Variants in TCF4 observed in about 807,000 individuals in gnomAD.
TCF4 encodes the protein SL3-3 enhancer factor 2.
TCF4 carries 3 observed loss-of-function variants against 82.1 expected under a neutral mutation model. The observed-to-expected ratio is 0.04, with a 90% CI of 0.02 to 0.09. The LOEUF is 0.09. Among genes scored for constraint, TCF4 ranks in the 10% least tolerant of loss-of-function variants. The probability of loss-of-function intolerance (pLI) is 1.00; values close to 1 mark genes in which losing one functional copy is unlikely to be tolerated. For missense variants in TCF4, 518 were observed against 852.7 expected, an observed-to-expected ratio of 0.61 and a Z score of 4.89; for synonymous variants, 276 against 309.6, an observed-to-expected ratio of 0.89 and a Z score of 1.14.
intron 8 of TCF4, among the ~76,000 whole-genome samples, chr18:55,289,034 T>C (rs1055222129): frequency 2.0e-5 from 3 of 152,260 alleles, no homozygotes; most frequent in Non-Finnish European, 4.4e-5. Context: ...GCAGACACTC[T>C]ATGTTTCCTA....
chr18:55,231,453 T>G (rs1390846911), intron 17 of TCF4: 1 of 152,246 alleles, frequency 6.6e-6, no homozygotes, highest in Non-Finnish European at 1.5e-5. Context: ...AAGAGTGACC[T>G]TTTTAAATAA....
At chr18:55,528,229 T>C (rs561586180) in intron 3 of TCF4, among the ~76,000 whole-genome samples, 6 of 152,294 alleles carry the variant, frequency 3.9e-5, no homozygotes, top group Non-Finnish European at 7.3e-5. Context: ...AAAGAACAAA[T>C]AATTTAGAGG....
chr18:55,373,382 G>C (rs879391848), intron 6 of TCF4, among the ~76,000 whole-genome samples: 16 of 151,986 alleles, frequency 1.1e-4, no homozygotes, highest in African/African-American at 1.4e-4. Flanking sequence ...ATACAGCTTT[G>C]AGATATATTT....
At chr18:55,398,292 T>C (rs962443878) in intron 6 of TCF4, among the ~76,000 whole-genome samples, 8 of 152,140 alleles carry the variant, frequency 5.3e-5, no homozygotes, top group Non-Finnish European at 1.0e-4. Flanking sequence ...TGCGATGACA[T>C]ATATACTGCA....
At chr18:55,490,410 A>G (rs1384381595) in intron 3 of TCF4, among the ~76,000 whole-genome samples, 1 of 152,172 alleles carries the variant, frequency 6.6e-6, no homozygotes, top group East Asian at 1.9e-4. Flanking sequence ...AATATACTTA[A>G]TCTTATAGCT....
chr18:55,401,833 A>T, intron 6 of TCF4: 1 of 969,552 alleles, frequency 1.0e-6, no homozygotes, highest in South Asian at 4.8e-5. Flanking sequence ...ATGACCAGAA[A>T]AAGGGGCCCA....
In TCF4 at chr18:55,233,766, C is replaced by T. The variant is rs528267738; in HGVS notation, c.1486+782G>A. 4.1e-5 allele frequency among the ~76,000 whole-genome samples: 6 copies of T among 146,494 alleles called. No homozygotes were observed. In the East Asian group the frequency reaches 1.2e-3, roughly 29 times the overall value. The stretch of plus-strand genomic sequence containing the variant: ...CCTGGGAGGTGGAGGTTGCAGTGAG[C>T]TGAGATCGCACCACTGTACTCCAGC... On this transcript the variant is annotated intron_variant, in intron 16 of 19. Coordinates refer to ENST00000354452, the MANE Select transcript of TCF4 (RefSeq NM_001083962.2).
chr18:55,447,251 T>C (rs1007528706), intron 5 of TCF4, among the ~76,000 whole-genome samples: 7 of 149,158 alleles, frequency 4.7e-5, no homozygotes, highest in African/African-American at 7.4e-5. Context: ...GAAGCTGCAG[T>C]AAGCACCCCT....
rs530490258 is a variant in TCF4, at chr18:55,521,618, G to A, written c.146-57481C>T. Among the ~76,000 whole-genome samples the A allele has an allele frequency of 1.8e-4, 28 of 152,296 alleles. No homozygotes were observed. In the East Asian group the frequency reaches 3.9e-3, roughly 21 times the overall value. ...CAGTGAGTTGACTGATAAAGGCCAT[G>A]TGCCTTCTGCAAGGCCATCCACCAT... On this transcript the variant is annotated intron_variant, in intron 3 of 19. Transcript: ENST00000354452.
chr18:55,413,194 A>G (rs1026867772), intron 5 of TCF4, among the ~76,000 whole-genome samples: 2 of 152,230 alleles, frequency 1.3e-5, no homozygotes, highest in Non-Finnish European at 2.9e-5. Flanking sequence ...ACACACATAT[A>G]TAAGTGACAT....
intron 8 of TCF4, among the ~76,000 whole-genome samples, chr18:55,326,280 T>G (rs907031588): frequency 6.6e-6 from 1 of 151,986 alleles, no homozygotes; most frequent in Non-Finnish European, 1.5e-5. Flanking sequence ...ACAGCTTCTT[T>G]TGAGGCTTAA....
rs1375194921 is a variant in TCF4, at chr18:55,225,887, C to G, written c.*2148G>C. 1.3e-5 allele frequency: 2 copies of G among 152,536 alleles called. No homozygotes were observed. Among genetic ancestry groups the G allele is most frequent in the African/African-American group, 4.8e-5 (2 of 41,418 alleles). The allele number at this position is 152,536 out of a possible 1,614,324, so 9.4% of individuals were successfully genotyped here. A position where few individuals can be genotyped will look rare whatever the true frequency, so the allele number is the denominator to read the frequency against. Reference sequence around the variant, plus strand: ...GTTTTTCAACACACACACAGCTAATCAAAATGTTTATGGGTTTGTAAAAGA... The same window carrying G: ...GTTTTTCAACACACACACAGCTAATGAAAATGTTTATGGGTTTGTAAAAGA... On this transcript the variant is annotated 3_prime_UTR_variant, in exon 20 of 20. Coordinates refer to ENST00000354452, the MANE Select transcript of TCF4 (RefSeq NM_001083962.2).
chr18:55,474,660 A>C (rs570534983), intron 3 of TCF4, among the ~76,000 whole-genome samples: 1 of 152,258 alleles, frequency 6.6e-6, no homozygotes, highest in African/African-American at 2.4e-5. Context: ...TCCTAACCCC[A>C]CCTGGGAACT....
At chr18:55,301,757 C>G (rs2146962935) in intron 8 of TCF4, among the ~76,000 whole-genome samples, 1 of 107,856 alleles carries the variant, frequency 9.3e-6, no homozygotes, top group South Asian at 3.0e-4. Flanking sequence ...CTTTTGCAAA[C>G]AGTAATCTAG....
intron 15 of TCF4, among the ~76,000 whole-genome samples, chr18:55,252,495 C>T (rs1246493651): frequency 6.6e-6 from 1 of 151,982 alleles, no homozygotes. Flanking sequence ...GTCCAACTTC[C>T]CATCTCCAAA....
intron 6 of TCF4, among the ~76,000 whole-genome samples, chr18:55,362,977 A>G (rs2085871632): frequency 2.0e-5 from 3 of 152,246 alleles, no homozygotes; most frequent in African/African-American, 4.8e-5. Flanking sequence ...TCACACAAAT[A>G]TTTCCCAGGA....
intron 8 of TCF4, among the ~76,000 whole-genome samples, chr18:55,328,436 C>T (rs2076951584): frequency 6.6e-6 from 1 of 151,708 alleles, no homozygotes; most frequent in African/African-American, 2.4e-5. Context: ...CATAGCCAGT[C>T]TCCAAGTTTG....
At chr18:55,311,582 G>A (rs1160864385) in intron 8 of TCF4, among the ~76,000 whole-genome samples, 1 of 152,202 alleles carries the variant, frequency 6.6e-6, no homozygotes, top group Admixed American at 6.5e-5. Flanking sequence ...ATCTCGAGGA[G>A]TATCTTCTTT....
intron 2 of TCF4, among the ~76,000 whole-genome samples, chr18:55,607,878 G>A (rs1351296013): frequency 1.3e-5 from 2 of 152,120 alleles, no homozygotes; most frequent in East Asian, 3.9e-4. Flanking sequence ...TCAAAGGTGT[G>A]GGCTGTGTTT....
Sources: gnomAD v4.1 joint callset for allele counts (sites outside exome capture counted in the v4.1 genomes callset) on GRCh38, gnomAD v4.1.1 for gene constraint, MANE v1.5 for transcripts, NCBI Gene and HGNC (gene_info 2026-07-23, HGNC 2026-07-21) for gene names.